Variants in ITGA8 observed in about 807,000 individuals in gnomAD.
ITGA8 encodes the protein integrin subunit alpha 8, also known as integrin alpha-8.
ITGA8 carries 91 observed loss-of-function variants against 142.3 expected under a neutral mutation model. That is an observed-to-expected ratio of 0.64 (90% CI 0.54 to 0.76). ITGA8 has a LOEUF of 0.76. ITGA8 is among the 30% of genes least tolerant of loss of function. The pLI is 0.00. For synonymous variants in ITGA8, 505 were observed against 485.2 expected (o/e 1.04, Z -0.54); for missense variants, 1,406 against 1,327.7 (o/e 1.06, Z -0.92).
chr10:15,543,053 G>A (rs1363170028), intron 27 of ITGA8, among the ~76,000 whole-genome samples: 1 of 152,184 alleles, frequency 6.6e-6, no homozygotes, highest in African/African-American at 2.4e-5. Context: ...CTTACACCAA[G>A]TAGAATAAAC....
intron 26 of ITGA8, among the ~76,000 whole-genome samples, chr10:15,550,328 G>C (rs922723757): frequency 6.6e-6 from 1 of 152,126 alleles, no homozygotes; most frequent in Non-Finnish European, 1.5e-5. Flanking sequence ...GACCAATACA[G>C]GTACCCACAG....
At chr10:15,617,131 C>G (rs1202934212) in intron 13 of ITGA8, among the ~76,000 whole-genome samples, 1 of 152,148 alleles carries the variant, frequency 6.6e-6, no homozygotes, top group South Asian at 2.1e-4. Flanking sequence ...TAATAAATAG[C>G]ACATGGAACA....
intron 27 of ITGA8, among the ~76,000 whole-genome samples, chr10:15,537,160 G>A (rs796483797): frequency 1.4e-4 from 22 of 152,218 alleles, no homozygotes; most frequent in African/African-American, 5.1e-4. Context: ...CCAACATAAC[G>A]CAACAAGTCA....
At chr10:15,599,458 C>G (rs776761006) in intron 20 of ITGA8, among the ~76,000 whole-genome samples, 11 of 151,982 alleles carry the variant, frequency 7.2e-5, no homozygotes, top group Non-Finnish European at 1.3e-4. Context: ...TAATTCTAAG[C>G]AATTATAACA....
chr10:15,580,237 G>A (rs567704717), intron 23 of ITGA8, among the ~76,000 whole-genome samples: 2 of 151,058 alleles, frequency 1.3e-5, no homozygotes, highest in Non-Finnish European at 3.0e-5. Context: ...GACAATGAGA[G>A]AATATTGTGA....
rs1430282936 is a variant in ITGA8 at position 15,572,273 on chromosome 10, T to A, written c.2575A>T (p.Ile859Phe). The stretch of plus-strand genomic sequence containing the variant: ...CACTGCAGAGGTCCCAGAGTTTGAA[T>A]ATGGAAAATATAGAGAAGAAATTCA... ...RDEFLLYIFH[I>F]QTLGPLQCQP... Residue 859 changes from isoleucine to phenylalanine, a missense_variant, in exon 25 of 30, where the codon ATT (isoleucine) becomes TTT (phenylalanine). By Grantham distance (21) the Ile-to-Phe change is conservative. Coordinates refer to ENST00000378076, the MANE Select transcript of ITGA8 (RefSeq NM_003638.3). The A allele has an allele frequency of 2.5e-6, 4 of 1,613,884 alleles. No individual in the cohort carries two copies. The African/African-American group carries it at 5.3e-5, about 22-fold the overall frequency.
At chr10:15,639,748 C>T (rs576893605) in intron 13 of ITGA8, among the ~76,000 whole-genome samples, 2 of 152,350 alleles carry the variant, frequency 1.3e-5, no homozygotes, top group South Asian at 4.1e-4. Context: ...AAACATGTCA[C>T]TATAGTCTGT....
At chr10:15,583,239 C>A (rs1834446746) in intron 23 of ITGA8, among the ~76,000 whole-genome samples, 1 of 152,160 alleles carries the variant, frequency 6.6e-6, no homozygotes, top group South Asian at 2.1e-4. Context: ...TGGAAACCAT[C>A]ATTCTCAGCA....
chr10:15,590,315 T>G (rs941586285), intron 22 of ITGA8, among the ~76,000 whole-genome samples: 1 of 152,228 alleles, frequency 6.6e-6, no homozygotes, highest in Non-Finnish European at 1.5e-5. Context: ...ATTTCAATGA[T>G]GATCTACAGG....
intron 26 of ITGA8, among the ~76,000 whole-genome samples, chr10:15,554,209 G>A (rs1045097503): frequency 2.0e-5 from 3 of 152,082 alleles, no homozygotes; most frequent in African/African-American, 7.2e-5. Context: ...TAGGACTTCC[G>A]CAGCTCCCTG....
intron 20 of ITGA8, among the ~76,000 whole-genome samples, chr10:15,602,403 T>G (rs1247582724): frequency 6.6e-6 from 1 of 152,204 alleles, no homozygotes; most frequent in East Asian, 1.9e-4. Context: ...TATTTTTATC[T>G]TAAAGTGACT....
chr10:15,619,271 A>G (rs1160238678), intron 13 of ITGA8, among the ~76,000 whole-genome samples: 2 of 152,148 alleles, frequency 1.3e-5, no homozygotes, highest in Non-Finnish European at 2.9e-5. Flanking sequence ...AACCCAACCT[A>G]AGACACAATA....
intron 21 of ITGA8, among the ~76,000 whole-genome samples, chr10:15,593,228 T>G (rs943426875): frequency 1.3e-5 from 2 of 152,244 alleles, no homozygotes; most frequent in Non-Finnish European, 2.9e-5. Context: ...TTTATTATTT[T>G]CATAACGTGG....
intron 9 of ITGA8, among the ~76,000 whole-genome samples, chr10:15,659,502 C>T (rs1421616764): frequency 3.3e-5 from 5 of 152,164 alleles, no homozygotes; most frequent in Admixed American, 2.0e-4. Flanking sequence ...AACCGTGATG[C>T]TTTCTAGATA....
intron 28 of ITGA8, among the ~76,000 whole-genome samples, chr10:15,522,650 C>A (rs1833092364): frequency 6.6e-6 from 1 of 152,192 alleles, no homozygotes; most frequent in South Asian, 2.1e-4. Flanking sequence ...TCAGAGCTCA[C>A]CAAAATTTTC....
At chr10:15,641,206 A>T (rs920431877) in intron 13 of ITGA8, among the ~76,000 whole-genome samples, 5 of 152,204 alleles carry the variant, frequency 3.3e-5, no homozygotes, top group African/African-American at 4.8e-5. Context: ...GGTGCATGCT[A>T]CCACGGCTGG....
intron 25 of ITGA8, among the ~76,000 whole-genome samples, chr10:15,570,174 G>A (rs1834151668): frequency 6.6e-6 from 1 of 152,132 alleles, no homozygotes. Context: ...AGTTATTTAA[G>A]GGAGATATTA....
chr10:15,665,729 A>C (rs571227233), intron 8 of ITGA8, among the ~76,000 whole-genome samples: 6 of 152,330 alleles, frequency 3.9e-5, no homozygotes, highest in African/African-American at 1.4e-4. Context: ...TCAGCTTTCT[A>C]CATATGGCTA....
chr10:15,654,941 C>T (rs1052186309), intron 11 of ITGA8, among the ~76,000 whole-genome samples: 6 of 152,260 alleles, frequency 3.9e-5, no homozygotes, highest in African/African-American at 1.2e-4. Context: ...ATAACAATTT[C>T]GTCTTCTCCA....
Sources: gnomAD v4.1 joint callset for allele counts (sites outside exome capture counted in the v4.1 genomes callset) on GRCh38, gnomAD v4.1.1 for gene constraint, MANE v1.5 for transcripts, NCBI Gene and HGNC (gene_info 2026-07-23, HGNC 2026-07-21) for gene names.